The following ELF2 variants were observed in gnomAD, a reference collection of about 807,000 sequenced individuals.
ELF2 encodes E74 like ETS transcription factor 2.
ELF2 carries 11 observed loss-of-function variants against 54.8 expected under a neutral mutation model. The observed-to-expected ratio is 0.20, with a 90% CI of 0.13 to 0.33. The LOEUF (loss-of-function observed/expected upper bound fraction) is 0.33. Among genes scored for constraint, ELF2 ranks in the 10% least tolerant of loss-of-function variants. ELF2 has a pLI of 1.00. For synonymous variants in ELF2, 203 were observed against 245.1 expected (o/e 0.83, Z 1.61); for missense variants, 513 against 703.0 (o/e 0.73, Z 3.06).
At chr4:139,135,111 C>T (rs1373098481) in intron 3 of ELF2, among the ~76,000 whole-genome samples, 1 of 151,798 alleles carries the variant, frequency 6.6e-6, no homozygotes, top group East Asian at 1.9e-4. Flanking sequence ...CAGATACCTA[C>T]CACTTTTTAA....
intron 1 of ELF2, among the ~76,000 whole-genome samples, chr4:139,153,592 G>GC (rs1480447419): frequency 6.6e-6 from 1 of 152,062 alleles, no homozygotes; most frequent in Non-Finnish European, 1.5e-5. Flanking sequence ...AAGATAAAAG[G>GC]CCAGATACCT....
intron 4 of ELF2, among the ~76,000 whole-genome samples, chr4:139,112,620 T>C (rs1009254997): frequency 7.2e-5 from 11 of 152,374 alleles, no homozygotes; most frequent in African/African-American, 2.6e-4. Context: ...TCATTTAAAA[T>C]TCTATATAAT....
chr4:139,086,507 GATTT>G (rs1407522546), intron 4 of ELF2, among the ~76,000 whole-genome samples: 2 of 152,144 alleles, frequency 1.3e-5, no homozygotes, highest in South Asian at 2.1e-4. Context: ...TTATGTTACT[GATTT>G]ATTTAATAGT....
At chr4:139,174,293 T>C (rs962967576) in intron 1 of ELF2, among the ~76,000 whole-genome samples, 9 of 151,248 alleles carry the variant, frequency 6.0e-5, no homozygotes. Context: ...TGGATATACT[T>C]TGAAAGCATT....
At chr4:139,116,865 T>G (rs1223461324) in intron 4 of ELF2, 1 of 293,948 alleles carries the variant, frequency 3.4e-6, no homozygotes, top group Non-Finnish European at 5.1e-6. Context: ...AAATTAGTCC[T>G]GAGATTCTTC....
intron 4 of ELF2, among the ~76,000 whole-genome samples, chr4:139,092,379 T>TAAC (rs1244458468): frequency 1.9e-5 from 2 of 106,138 alleles, no homozygotes; most frequent in African/African-American, 3.4e-5. Context: ...TAACGTAACA[T>TAAC]AACATAACAT....
At chr4:139,152,302 C>T (rs2148887218) in intron 1 of ELF2, among the ~76,000 whole-genome samples, 1 of 151,716 alleles carries the variant, frequency 6.6e-6, no homozygotes, top group South Asian at 2.1e-4. Context: ...ATTATCGTGA[C>T]ACTGAATGAG....
chr4:139,082,836 A>C (rs778370587), intron 4 of ELF2, among the ~76,000 whole-genome samples: 1 of 152,234 alleles, frequency 6.6e-6, no homozygotes, highest in Admixed American at 6.5e-5. Flanking sequence ...ACAGTATTCA[A>C]GCAGTGCTAC....
chr4:139,082,805 GCTTA>G (rs1731306645), intron 4 of ELF2, among the ~76,000 whole-genome samples: 1 of 152,210 alleles, frequency 6.6e-6, no homozygotes, highest in South Asian at 2.1e-4. Context: ...GAACATGTAT[GCTTA>G]CTATTACAGT....
intron 3 of ELF2, among the ~76,000 whole-genome samples, chr4:139,136,202 A>T (rs894966508): frequency 1.3e-5 from 2 of 152,188 alleles, no homozygotes; most frequent in Non-Finnish European, 2.9e-5. Flanking sequence ...ATCTTGAGGG[A>T]AGAAATAAGA....
At chr4:139,086,625 G>A (rs1229891821) in intron 4 of ELF2, among the ~76,000 whole-genome samples, 1 of 152,104 alleles carries the variant, frequency 6.6e-6, no homozygotes, top group African/African-American at 2.4e-5. Flanking sequence ...GCAAGTTTCT[G>A]TTATAGGTGC....
intron 3 of ELF2, among the ~76,000 whole-genome samples, chr4:139,134,079 ATG>A (rs1737842946): frequency 6.6e-6 from 1 of 152,200 alleles, no homozygotes; most frequent in East Asian, 1.9e-4. Context: ...ACCATTAAGT[ATG>A]ATGTTGGCTG....
chr4:139,119,460 T>A (rs1030606032), intron 4 of ELF2, among the ~76,000 whole-genome samples: 8 of 152,196 alleles, frequency 5.3e-5, no homozygotes, highest in Admixed American at 1.3e-4. Context: ...CAGGATATTA[T>A]TGGGAAGAGG....
intron 1 of ELF2, among the ~76,000 whole-genome samples, chr4:139,153,610 G>A (rs1740236556): frequency 6.6e-6 from 1 of 152,006 alleles, no homozygotes; most frequent in Admixed American, 6.6e-5. Flanking sequence ...CCTCACCAGG[G>A]GGCCTCTTTC....
intron 4 of ELF2, among the ~76,000 whole-genome samples, chr4:139,109,838 G>A (rs979500164): frequency 3.9e-5 from 6 of 152,222 alleles, no homozygotes; most frequent in Admixed American, 1.3e-4. Flanking sequence ...AGGAACAGAG[G>A]GAGGGAGAAA....
At chr4:139,146,398 A>T (rs1739227052) in intron 1 of ELF2, among the ~76,000 whole-genome samples, 1 of 152,206 alleles carries the variant, frequency 6.6e-6, no homozygotes, top group African/African-American at 2.4e-5. Flanking sequence ...ATGGAAACAC[A>T]TCCCATGCTC....
In ELF2 at chr4:139,059,331, C is replaced by A; in HGVS notation, c.1434G>T (p.Leu478=). ...AQCQLQTKSN[L]TGSGSINIVG... is the part of the protein sequence containing the mutation. ...CAATGTTAATGCTTCCTGATCCAGT[C>A]AGATTTGACTTTGTCTGCAGTTGAC... The change falls in exon 10 of 10, where the codon CTG becomes CTT. Residue 478 remains leucine, a synonymous_variant. Coordinates refer to ENST00000686138, the MANE Select transcript of ELF2 (RefSeq NM_001331036.3). 1 of 1,613,956 alleles carries A rather than the reference C, an allele frequency of 6.2e-7. No homozygotes were observed. Among genetic ancestry groups the A allele is most frequent in the Non-Finnish European group, 8.5e-7 (1 of 1,179,868 alleles).
At chr4:139,124,122 C>A (rs1411536125) in intron 4 of ELF2, among the ~76,000 whole-genome samples, 1 of 152,140 alleles carries the variant, frequency 6.6e-6, no homozygotes, top group Non-Finnish European at 1.5e-5. Context: ...GAGCGAGCCA[C>A]CTGCCCCAGT....
At chr4:139,125,126 G>A (rs759973571) in intron 4 of ELF2, 38 bp downstream of exon 4, 4 of 1,573,426 alleles carry the variant, frequency 2.5e-6, no homozygotes, top group Non-Finnish European at 3.4e-6. Flanking sequence ...TACAAAATGA[G>A]AAAGTTATAA....
Sources: allele counts gnomAD v4.1 joint callset (sites outside exome capture counted in the v4.1 genomes callset), GRCh38; gene constraint gnomAD v4.1.1; transcripts MANE v1.5; gene names NCBI Gene and HGNC (gene_info 2026-07-23, HGNC 2026-07-21).